TMC5: variants seen among roughly 807,000 people sequenced by gnomAD.
The protein encoded by TMC5 is transmembrane channel-like protein 5.
TMC5 carries 86 observed loss-of-function variants against 110.5 expected under a neutral mutation model. The ratio of observed to expected loss-of-function variants is 0.78; its 90% confidence interval spans 0.65 to 0.93. The LOEUF is 0.93. TMC5 is among the 40% of genes least tolerant of loss of function. TMC5 has a pLI of 0.00. For missense variants in TMC5, 1,144 were observed against 1,222.8 expected (o/e 0.94, Z 0.96); for synonymous variants, 455 against 439.5 (o/e 1.04, Z -0.44).
intron 17 of TMC5, among the ~76,000 whole-genome samples, chr16:19,489,992 C>A (rs1359646112): frequency 2.0e-5 from 3 of 151,956 alleles, no homozygotes; most frequent in Non-Finnish European, 4.4e-5. Flanking sequence ...ACTATGTTGC[C>A]CAGGCTGGTC....
At chr16:19,475,802 CT>C (rs1032784346) in intron 12 of TMC5, among the ~76,000 whole-genome samples, 4,820 of 127,314 alleles carry the variant, frequency 0.038, 172 homozygotes, top group African/African-American at 0.13. Context: ...AATTTTCTTT[CT>C]TTTTTTTTTT....
chr16:19,462,457 T>C (rs1968047447), intron 6 of TMC5: 1 of 697,102 alleles, frequency 1.4e-6, no homozygotes, highest in Non-Finnish European at 2.6e-6. Flanking sequence ...TGAGACTGGG[T>C]GATTTATAAA....
intron 1 of TMC5, among the ~76,000 whole-genome samples, chr16:19,422,908 A>T (rs1967015999): frequency 6.6e-6 from 1 of 152,156 alleles, no homozygotes. Flanking sequence ...AGATTGAGCC[A>T]TTGCACTCCA....
upstream of TMC5, among the ~76,000 whole-genome samples, chr16:19,415,068 C>T (rs1167244200): frequency 4.6e-5 from 7 of 152,182 alleles, no homozygotes; most frequent in Admixed American, 4.6e-4. Flanking sequence ...TATCTCCCTC[C>T]ATATCTATCT....
At chr16:19,417,530 C>T (rs1966887750), upstream of TMC5, among the ~76,000 whole-genome samples, 1 of 150,802 alleles carries the variant, frequency 6.6e-6, no homozygotes, top group Admixed American at 6.6e-5. Flanking sequence ...CACACCACCT[C>T]ACACTCTAGG....
chr16:19,457,993 G>A (rs1385558746), intron 5 of TMC5, among the ~76,000 whole-genome samples: 1 of 151,614 alleles, frequency 6.6e-6, no homozygotes, highest in Non-Finnish European at 1.5e-5. Context: ...CAAAGTGCTG[G>A]GATGGATTAC....
chr16:19,470,444 C>T (rs991955480), intron 10 of TMC5, among the ~76,000 whole-genome samples: 3 of 152,156 alleles, frequency 2.0e-5, no homozygotes, highest in Non-Finnish European at 4.4e-5. Flanking sequence ...GCCTTGGCCT[C>T]CCAAAGTACT....
At chr16:19,494,154 C>A (rs539743119) in intron 19 of TMC5, 108 bp from the exon 20 acceptor site, 6 of 821,938 alleles carry the variant, frequency 7.3e-6, no homozygotes, top group African/African-American at 1.7e-5. Flanking sequence ...CTTCTAGGAT[C>A]CTAGCTGCCT....
At position 19,466,041 on chromosome 16, in the gene TMC5, T is replaced by TC. The variant is rs778217235; in HGVS notation, c.1486-40dup. The TC allele has an allele frequency of 1.3e-5, 21 of 1,606,954 alleles. No individual in the cohort carries two copies. In the African/African-American group the frequency reaches 2.8e-4, roughly 22 times the overall value. Reference sequence around the variant, plus strand: ...TGACCATAATCGTTTACCTTTTTTTTCAGGAGATCCACCTGACCTATGGTT... The same window carrying TC: ...TGACCATAATCGTTTACCTTTTTTTTCCAGGAGATCCACCTGACCTATGGTT... On this transcript the variant is annotated intron_variant, in intron 8 of 21. Transcript: ENST00000542583.
In TMC5 at chr16:19,492,943, A is replaced by ATATATATATATATATATATATATATATAT. The variant is rs61334845; in HGVS notation, c.2826+715_2826+716insTATATATATATATATATATATATATATAT. Among the ~76,000 whole-genome samples the ATATATATATATATATATATATATATATAT allele has an allele frequency of 1.7e-4, 16 of 92,094 alleles. 1 individual carries two copies. The highest frequency in any genetic ancestry group is 6.1e-4 in the East Asian group (2 of 3,274). The allele number at this position is 92,094 out of a possible 152,430, so 60.4% of individuals were successfully genotyped here. Reference sequence around the variant, plus strand: ...ATATATATATATATATCTCTCTATAAGATAAATACTTTTATTTCATTTATT... The same window carrying ATATATATATATATATATATATATATATAT: ...ATATATATATATATATCTCTCTATAATATATATATATATATATATATATATATATGATAAATACTTTTATTTCATTTATT... On this transcript the variant is annotated intron_variant, in intron 19 of 21. Transcript: ENST00000542583.
At position 19,477,379 on chromosome 16, in the gene TMC5, T is replaced by C. The variant is rs961836711; in HGVS notation, c.2091-61T>C. ...TTACCATGTGCCCCAAAGGAGCTAT[T>C]TGCAGACAGAATGAAAGACTGCCAT... On this transcript the variant is annotated intron_variant, in intron 12 of 21. Coordinates refer to ENST00000542583, the MANE Select transcript of TMC5 (RefSeq NM_001261841.2). The C allele has an allele frequency of 7.7e-6, 10 of 1,291,710 alleles. No homozygotes were observed. In the African/African-American group the frequency reaches 1.2e-4, roughly 15 times the overall value. The allele number at this position is 1,291,710 out of a possible 1,614,324, so 80.0% of individuals were successfully genotyped here.
intron 3 of TMC5, among the ~76,000 whole-genome samples, chr16:19,441,117 C>T (rs1967477811): frequency 6.6e-6 from 1 of 152,132 alleles, no homozygotes; most frequent in Non-Finnish European, 1.5e-5. Context: ...TCTAGATCCA[C>T]ACTGTTTTGA....
chr16:19,458,031 A>G (rs1260641931), intron 5 of TMC5, among the ~76,000 whole-genome samples: 2 of 151,456 alleles, frequency 1.3e-5, no homozygotes, highest in Non-Finnish European at 2.9e-5. Context: ...TCCAGCCTCA[A>G]GCCTGCATCC....
intron 6 of TMC5, among the ~76,000 whole-genome samples, chr16:19,461,914 A>G (rs1968032978): frequency 6.6e-6 from 1 of 152,182 alleles, no homozygotes; most frequent in African/African-American, 2.4e-5. Context: ...AGAGATTGCA[A>G]TGGGAGGACC....
intron 8 of TMC5, among the ~76,000 whole-genome samples, chr16:19,464,417 T>G (rs948025630): frequency 6.6e-6 from 1 of 152,110 alleles, no homozygotes; most frequent in East Asian, 1.9e-4. Flanking sequence ...GAGCGAGGCC[T>G]TGTCTCAATC....
chr16:19,476,015 A>G (rs796585338), intron 12 of TMC5, among the ~76,000 whole-genome samples: 17 of 152,246 alleles, frequency 1.1e-4, no homozygotes, highest in African/African-American at 4.1e-4. Flanking sequence ...TGAATGAATA[A>G]GCAAATTGGT....
chr16:19,494,393 C>G (rs993808541), intron 20 of TMC5, 27 bp downstream of exon 20: 33 of 1,565,162 alleles, frequency 2.1e-5, no homozygotes, highest in Non-Finnish European at 2.9e-5. Flanking sequence ...CCTTGGGGAC[C>G]CCTGGGACAC....
chr16:19,466,332 GTCCTCTCCTC>G (rs552962783), intron 9 of TMC5, 99 bp downstream of exon 9: 1 of 1,254,846 alleles, frequency 8.0e-7, no homozygotes, highest in Non-Finnish European at 1.1e-6. Flanking sequence ...TTTCTCTGCA[GTCCTCTCCTC>G]TCCTCTCCTC....
Position 19,466,108 on chromosome 16 carries a change from C to T in TMC5, c.1512C>T (p.Tyr504=), listed in dbSNP as rs1248630297. The part of the protein sequence containing the change: ...GVGYFRDTVM[Y]YGFYTNSTIQ... The stretch of plus-strand genomic sequence containing the variant: ...GTTATTTTAGGGACACAGTGATGTA[C>T]TATGGCTTTTACACCAATTCCACCA... Residue 504 remains tyrosine (Y), a synonymous_variant, in exon 9 of 22, where the codon TAC becomes TAT. Coordinates refer to ENST00000542583, the MANE Select transcript of TMC5 (RefSeq NM_001261841.2). 1 of 1,614,058 alleles carries T rather than the reference C, an allele frequency of 6.2e-7. No homozygotes were observed. Among genetic ancestry groups the T allele is most frequent in the South Asian group, 1.1e-5 (1 of 91,076 alleles).
Sources: gnomAD v4.1 joint callset for allele counts (sites outside exome capture counted in the v4.1 genomes callset) on GRCh38, gnomAD v4.1.1 for gene constraint, MANE v1.5 for transcripts, NCBI Gene and HGNC (gene_info 2026-07-23, HGNC 2026-07-21) for gene names.